Variants in DMD observed in about 807,000 individuals in gnomAD.
DMD encodes the protein mutant dystrophin.
In DMD, 63 loss-of-function variants were observed where a neutral mutation model predicts 330.1. That is an observed-to-expected ratio of 0.19 (90% confidence interval 0.16 to 0.24). DMD has a LOEUF of 0.24. Ranked by LOEUF, DMD falls within the 10% of genes least tolerant of loss-of-function variation. DMD has a pLI of 1.00. For missense variants in DMD, 3,344 were observed against 2,684.1 expected, an observed-to-expected ratio of 1.25 and a Z score of -5.43; for synonymous variants, 1,223 against 959.8, an observed-to-expected ratio of 1.27 and a Z score of -5.07.
At chrX:31,750,557 A>G (rs1364077771) in intron 51 of DMD, among the ~76,000 whole-genome samples, 1 of 110,849 alleles carries the variant, frequency 9.0e-6, no homozygotes, top group Non-Finnish European at 1.9e-5. Context: ...GCCTTGTACT[A>G]TAGAAGCATT....
At chrX:32,694,710 G>A (rs1286272557) in intron 9 of DMD, among the ~76,000 whole-genome samples, 1 of 111,814 alleles carries the variant, frequency 8.9e-6, no homozygotes, top group Admixed American at 9.5e-5. Flanking sequence ...ATGCTGTAGT[G>A]CAATGGCATG....
At chrX:31,324,657 T>C in intron 61 of DMD, among the ~76,000 whole-genome samples, 1 of 111,919 alleles carries the variant, frequency 8.9e-6, no homozygotes, top group Non-Finnish European at 1.9e-5. Flanking sequence ...AGCAACTTTA[T>C]GTGTCTATAC....
chrX:32,513,137 C>A (rs1326655888), intron 18 of DMD, among the ~76,000 whole-genome samples: 1 of 111,378 alleles, frequency 9.0e-6, no homozygotes, highest in African/African-American at 3.3e-5. Flanking sequence ...TAGCGTGTCC[C>A]TGTATGATGC....
In DMD at chrX:32,545,251, T is replaced by C. The variant is rs764950114; in HGVS notation, c.2076A>G (p.Glu692=). The change falls in exon 17 of 79, where the codon GAA becomes GAG. Residue 692 remains glutamate, a synonymous_variant. Coordinates refer to ENST00000357033, the MANE Select transcript of DMD (RefSeq NM_004006.3). ...CTTGAGCATGCTTTACCAGGATCTGTTCCCTTGTGGTCACCGTAGTTACTG... is the reference window on the plus strand; with the variant it reads ...CTTGAGCATGCTTTACCAGGATCTGCTCCCTTGTGGTCACCGTAGTTACTG... ...METVTTVTTR[E]QILVKHAQEE... 3.0e-5 allele frequency: 36 copies of C among 1,210,536 alleles called. No individual in the cohort carries two copies. Among genetic ancestry groups the C allele is most frequent in the Non-Finnish European group, 3.9e-5 (35 of 894,363 alleles).
Position 32,573,810 on chromosome X carries a change from T to G in DMD, c.1639A>C (p.Thr547Pro). The change falls in exon 14 of 79, where the codon ACA becomes CCA. Residue 547 changes from threonine (T) to proline (P), a missense_variant. Physicochemically the swap from Thr to Pro is conservative, Grantham distance 38 (BLOSUM62 -1). Coordinates refer to ENST00000357033, the MANE Select transcript of DMD (RefSeq NM_004006.3). Reference sequence around the variant, plus strand: ...TGTAAAAGAACCCAGCGGTCTTCTGTCCATCTACAGATGTTTGCCCATCGA... The same window carrying G: ...TGTAAAAGAACCCAGCGGTCTTCTGGCCATCTACAGATGTTTGCCCATCGA... ...GDRWANICRW[T>P]EDRWVLLQDI... 1 of 1,211,450 alleles carries G rather than the reference T, an allele frequency of 8.3e-7. No homozygotes were observed. Among genetic ancestry groups the G allele is most frequent in the Non-Finnish European group, 1.1e-6 (1 of 895,239 alleles).
At chrX:32,404,770 C>A (rs1010138358) in intron 30 of DMD, among the ~76,000 whole-genome samples, 1 of 111,647 alleles carries the variant, frequency 9.0e-6, no homozygotes, top group Non-Finnish European at 1.9e-5. Flanking sequence ...TTGTCACTGT[C>A]CCCTAAAATG....
At chrX:32,263,880 T>C (rs1020038302) in intron 43 of DMD, among the ~76,000 whole-genome samples, 2 of 111,988 alleles carry the variant, frequency 1.8e-5, no homozygotes, top group Admixed American at 1.9e-4. Context: ...AAATATTTTA[T>C]ATATTTGACA....
chrX:32,586,164 A>C (rs1160432864), intron 13 of DMD, among the ~76,000 whole-genome samples: 1 of 111,281 alleles, frequency 9.0e-6, no homozygotes, highest in Non-Finnish European at 1.9e-5. Context: ...ATATTTAAGT[A>C]AATAAAATAA....
chrX:32,582,506 G>T (rs2149192352), intron 13 of DMD, among the ~76,000 whole-genome samples: 1 of 111,582 alleles, frequency 9.0e-6, no homozygotes, highest in South Asian at 3.7e-4. Flanking sequence ...CTAAATGAAA[G>T]GATTGAAAGA....
At chrX:32,250,643 C>T (rs2097259866) in intron 43 of DMD, among the ~76,000 whole-genome samples, 1 of 111,843 alleles carries the variant, frequency 8.9e-6, no homozygotes, top group Non-Finnish European at 1.9e-5. Flanking sequence ...TGGGAGAAGG[C>T]ATTGCATTCG....
intron 30 of DMD, among the ~76,000 whole-genome samples, chrX:32,404,476 A>G (rs1334930640): frequency 9.0e-6 from 1 of 111,462 alleles, no homozygotes; most frequent in Non-Finnish European, 1.9e-5. Context: ...TGAGATCAGA[A>G]TTCTTTGGGA....
At chrX:31,310,764 A>T (rs2055448524) in intron 62 of DMD, among the ~76,000 whole-genome samples, 1 of 97,533 alleles carries the variant, frequency 1.0e-5, no homozygotes, top group Non-Finnish European at 2.0e-5. Context: ...TTTGTTGCTC[A>T]GGCTGGCTTC....
intron 44 of DMD, among the ~76,000 whole-genome samples, chrX:31,978,762 T>G (rs371209735): frequency 1.8e-5 from 2 of 111,665 alleles, no homozygotes; most frequent in Middle Eastern, 9.2e-3. Context: ...CCTCTACTTA[T>G]GTAATCCTTT....
At chrX:33,062,930 G>A (rs2148091485) in intron 1 of DMD, among the ~76,000 whole-genome samples, 1 of 111,895 alleles carries the variant, frequency 8.9e-6, no homozygotes, top group East Asian at 2.8e-4. Context: ...GGAAATTATG[G>A]CATCAATTCA....
intron 42 of DMD, among the ~76,000 whole-genome samples, chrX:32,297,276 T>G (rs1046785580): frequency 3.7e-5 from 4 of 106,970 alleles, no homozygotes; most frequent in Non-Finnish European, 5.8e-5. Flanking sequence ...TATTTATTAT[T>G]TATTTATTTA....
At chrX:32,590,817 T>C (rs369276066) in intron 13 of DMD, among the ~76,000 whole-genome samples, 2 of 111,349 alleles carry the variant, frequency 1.8e-5, no homozygotes, top group East Asian at 5.7e-4. Context: ...TACTAGGTTC[T>C]CTCTTCTCCC....
chrX:33,107,323 C>T (rs1208707004), intron 1 of DMD, among the ~76,000 whole-genome samples: 1 of 74,960 alleles, frequency 1.3e-5, no homozygotes, highest in African/African-American at 5.0e-5. Flanking sequence ...CCCCCCCCCC[C>T]CAACACACAC....
At chrX:32,536,126 A>G (rs1278325229) in intron 17 of DMD, among the ~76,000 whole-genome samples, 1 of 109,672 alleles carries the variant, frequency 9.1e-6, no homozygotes, top group Non-Finnish European at 1.9e-5. Context: ...TTAGCTGGGC[A>G]TGGTGGCCCT....
chrX:32,222,608 G>T (rs762770491), intron 43 of DMD, among the ~76,000 whole-genome samples: 1 of 111,992 alleles, frequency 8.9e-6, no homozygotes, highest in South Asian at 3.7e-4. Flanking sequence ...ACAGCATCTG[G>T]CAGTGTTCCA....
Sources: gnomAD v4.1 joint callset for allele counts (sites outside exome capture counted in the v4.1 genomes callset) on GRCh38, gnomAD v4.1.1 for gene constraint, MANE v1.5 for transcripts, NCBI Gene and HGNC (gene_info 2026-07-23, HGNC 2026-07-21) for gene names.